TMTC2: variants seen among roughly 807,000 people sequenced by gnomAD.
The protein encoded by TMTC2 is transmembrane O-mannosyltransferase targeting cadherins 2, also known as protein O-mannosyl-transferase TMTC2.
In TMTC2, 43 loss-of-function variants were observed where a neutral mutation model predicts 82.4. That is an observed-to-expected ratio of 0.52 (90% confidence interval 0.41 to 0.67). TMTC2 has a LOEUF of 0.67. Ranked by LOEUF, TMTC2 falls within the 30% of genes least tolerant of loss-of-function variation. The pLI is 0.00. For missense variants in TMTC2, 919 were observed against 1,012.4 expected (o/e 0.91, Z 1.25); for synonymous variants, 408 against 381.9 (o/e 1.07, Z -0.80).
At chr12:82,745,872 T>C (rs1875664473) in intron 1 of TMTC2, among the ~76,000 whole-genome samples, 2 of 152,212 alleles carry the variant, frequency 1.3e-5, no homozygotes, top group African/African-American at 4.8e-5. Flanking sequence ...CCCTTTTTCT[T>C]AAATTCAAGA....
chr12:82,730,179 C>T (rs576431015), intron 1 of TMTC2, among the ~76,000 whole-genome samples: 21 of 151,130 alleles, frequency 1.4e-4, no homozygotes, highest in African/African-American at 5.1e-4. Flanking sequence ...CCTGGAGTCC[C>T]AGCTATTCAG....
At chr12:82,729,291 C>T (rs58221285) in intron 1 of TMTC2, among the ~76,000 whole-genome samples, 1 of 152,342 alleles carries the variant, frequency 6.6e-6, no homozygotes, top group East Asian at 1.9e-4. Context: ...CCAATCAGCA[C>T]TCTGTGTCTA....
intron 11 of TMTC2, among the ~76,000 whole-genome samples, chr12:83,122,284 C>T (rs1884977348): frequency 6.6e-6 from 1 of 151,522 alleles, no homozygotes; most frequent in Non-Finnish European, 1.5e-5. Context: ...CCTTCTTCCC[C>T]CGCCTGTGGA....
intron 10 of TMTC2, among the ~76,000 whole-genome samples, chr12:83,054,665 C>T (rs930506889): frequency 6.6e-6 from 1 of 150,524 alleles, no homozygotes; most frequent in Admixed American, 6.7e-5. Context: ...TATATAATTA[C>T]ATACTGTATA....
intron 7 of TMTC2, among the ~76,000 whole-genome samples, chr12:82,984,463 G>T (rs1879069069): frequency 6.6e-6 from 1 of 152,146 alleles, no homozygotes; most frequent in African/African-American, 2.4e-5. Flanking sequence ...AGTAATACAA[G>T]TTGAATATGA....
chr12:83,053,788 C>T (rs961502983), intron 10 of TMTC2, among the ~76,000 whole-genome samples: 5 of 152,006 alleles, frequency 3.3e-5, no homozygotes, highest in Admixed American at 6.6e-5. Flanking sequence ...AATGACAAGT[C>T]AGAGGTATCA....
chr12:82,803,970 C>A (rs1252424493), intron 1 of TMTC2, among the ~76,000 whole-genome samples: 5 of 152,060 alleles, frequency 3.3e-5, no homozygotes, highest in Non-Finnish European at 5.9e-5. Context: ...ATTCTTTCTT[C>A]TGAGGAGGCA....
At chr12:82,926,208 T>A (rs186098720) in intron 3 of TMTC2, among the ~76,000 whole-genome samples, 5 of 152,278 alleles carry the variant, frequency 3.3e-5, no homozygotes, top group Admixed American at 2.0e-4. Context: ...CTCGATTTCC[T>A]GACCTCGTGA....
intron 1 of TMTC2, among the ~76,000 whole-genome samples, chr12:82,818,179 A>G (rs901705205): frequency 3.3e-5 from 5 of 152,088 alleles, no homozygotes; most frequent in Non-Finnish European, 7.4e-5. Flanking sequence ...TTATTGCAGT[A>G]CTTGCTATGG....
At chr12:83,112,965 A>T (rs1884643106) in intron 11 of TMTC2, among the ~76,000 whole-genome samples, 1 of 152,244 alleles carries the variant, frequency 6.6e-6, no homozygotes, top group South Asian at 2.1e-4. Flanking sequence ...GAAAGAAATC[A>T]GAGTGGCATC....
At chr12:82,964,965 T>C in intron 4 of TMTC2, 59 bp from the exon 5 acceptor site, 1 of 1,157,486 alleles carries the variant, frequency 8.6e-7, no homozygotes, top group South Asian at 1.6e-5. Context: ...AAATAAAAAT[T>C]TGTGGTTTTA....
intron 1 of TMTC2, among the ~76,000 whole-genome samples, chr12:82,713,889 A>G (rs1873766324): frequency 6.6e-6 from 1 of 152,244 alleles, no homozygotes; most frequent in Admixed American, 6.5e-5. Flanking sequence ...GTAGAGTTAC[A>G]AGCAAATAGT....
At chr12:83,082,236 G>A (rs1183042649) in intron 11 of TMTC2, among the ~76,000 whole-genome samples, 1 of 152,142 alleles carries the variant, frequency 6.6e-6, no homozygotes, top group Non-Finnish European at 1.5e-5. Flanking sequence ...CTGCTTTAAT[G>A]CAAATGTGTT....
intron 1 of TMTC2, among the ~76,000 whole-genome samples, chr12:82,855,026 T>A (rs1019311314): frequency 6.6e-6 from 1 of 152,236 alleles, no homozygotes; most frequent in Non-Finnish European, 1.5e-5. Flanking sequence ...CACTCATGTA[T>A]ATGTAAAGCA....
At chr12:82,710,684 G>T (rs1343482806) in intron 1 of TMTC2, among the ~76,000 whole-genome samples, 2 of 152,318 alleles carry the variant, frequency 1.3e-5, no homozygotes, top group African/African-American at 2.4e-5. Context: ...TTGTCGAAGA[G>T]AAATCAAATA....
chr12:83,046,360 TG>T (rs1210795362), intron 9 of TMTC2, among the ~76,000 whole-genome samples: 1 of 152,150 alleles, frequency 6.6e-6, no homozygotes, highest in Non-Finnish European at 1.5e-5. Context: ...CCAGGGAACT[TG>T]TTAAAAATGC....
At chr12:82,773,308 G>T (rs1193651836) in intron 1 of TMTC2, among the ~76,000 whole-genome samples, 1 of 152,110 alleles carries the variant, frequency 6.6e-6, no homozygotes, top group Non-Finnish European at 1.5e-5. Context: ...ATGTTCTTTT[G>T]ATTGTATTGC....
intron 8 of TMTC2, among the ~76,000 whole-genome samples, chr12:83,008,092 A>T (rs991463470): frequency 4.6e-5 from 7 of 152,136 alleles, no homozygotes; most frequent in African/African-American, 1.7e-4. Flanking sequence ...ATTAGGTTGG[A>T]GCAAAAGTAA....
chr12:83,063,736 A>G (rs533070800), intron 11 of TMTC2, among the ~76,000 whole-genome samples: 5 of 152,060 alleles, frequency 3.3e-5, no homozygotes, highest in Admixed American at 6.6e-5. Context: ...TAATATTTAC[A>G]GAGTACCAGG....
Sources: gnomAD v4.1 joint callset for allele counts (sites outside exome capture counted in the v4.1 genomes callset) on GRCh38, gnomAD v4.1.1 for gene constraint, MANE v1.5 for transcripts, NCBI Gene and HGNC (gene_info 2026-07-23, HGNC 2026-07-21) for gene names.